SORCS2: variants seen among roughly 807,000 people sequenced by gnomAD.
SORCS2 encodes the protein sortilin related VPS10 domain containing receptor 2.
Under a neutral mutation model 141.6 loss-of-function variants are expected in SORCS2, and 100 were observed. The observed-to-expected ratio is 0.71, with a 90% CI of 0.60 to 0.83. The LOEUF (loss-of-function observed/expected upper bound fraction) is 0.83, where lower values mean the gene tolerates loss of function less well. SORCS2 is among the 40% of genes least tolerant of loss of function. The pLI is 0.00. For synonymous variants in SORCS2, 789 were observed against 676.9 expected, an observed-to-expected ratio of 1.17 and a Z score of -2.57; for missense variants, 1,646 against 1,560.2, an observed-to-expected ratio of 1.05 and a Z score of -0.93.
At chr4:7,457,440 AG>A (rs1728985886) in intron 2 of SORCS2, among the ~76,000 whole-genome samples, 1 of 151,490 alleles carries the variant, frequency 6.6e-6, no homozygotes, top group East Asian at 1.9e-4. Context: ...CTGCAGCCAG[AG>A]GGCCTGGCTC....
intron 2 of SORCS2, among the ~76,000 whole-genome samples, chr4:7,405,128 T>C (rs1007984601): frequency 2.6e-5 from 4 of 152,164 alleles, no homozygotes; most frequent in South Asian, 2.1e-4. Context: ...TTCCTAATTA[T>C]GTTTTTGTCA....
intron 2 of SORCS2, among the ~76,000 whole-genome samples, chr4:7,516,320 G>T (rs1388632345): frequency 6.6e-6 from 1 of 152,136 alleles, no homozygotes; most frequent in African/African-American, 2.4e-5. Flanking sequence ...TCTTGCTCTT[G>T]TTTTCACCTT....
At chr4:7,597,308 CTT>C (rs1717337464) in intron 3 of SORCS2, among the ~76,000 whole-genome samples, 1 of 146,176 alleles carries the variant, frequency 6.8e-6, no homozygotes, top group Non-Finnish European at 1.5e-5. Context: ...AGATGGGGCT[CTT>C]GCAATGGGGA....
chr4:7,434,701 T>C, intron 2 of SORCS2: 1 of 1,612,980 alleles, frequency 6.2e-7, no homozygotes, highest in South Asian at 1.1e-5. Flanking sequence ...GGGCAGAGAC[T>C]TCGCGGTGGG....
chr4:7,692,255 G>A (rs1724304821), intron 11 of SORCS2, among the ~76,000 whole-genome samples: 1 of 152,182 alleles, frequency 6.6e-6, no homozygotes, highest in African/African-American at 2.4e-5. Flanking sequence ...CCGCACTGCT[G>A]GAGGTGGCTG....
At chr4:7,317,130 G>T (rs909352349) in intron 1 of SORCS2, among the ~76,000 whole-genome samples, 1 of 152,198 alleles carries the variant, frequency 6.6e-6, no homozygotes, top group Non-Finnish European at 1.5e-5. Context: ...TCAAGAGCTT[G>T]CTCAGTCAAC....
chr4:7,517,416 T>C (rs1733058367), intron 2 of SORCS2, among the ~76,000 whole-genome samples: 1 of 152,238 alleles, frequency 6.6e-6, no homozygotes, highest in Non-Finnish European at 1.5e-5. Context: ...TAGAATTCCC[T>C]TTCAGATGGC....
In SORCS2 at chr4:7,299,261, T is replaced by C. The variant is rs1257714437; in HGVS notation, c.481-97027T>C. Among the ~76,000 whole-genome samples the C allele has an allele frequency of 2.6e-5, 4 of 152,336 alleles. No homozygotes were observed. In the South Asian group the frequency reaches 8.3e-4, roughly 32 times the overall value. On this transcript the variant is annotated intron_variant, in intron 1 of 26. Coordinates refer to ENST00000507866, the MANE Select transcript of SORCS2 (RefSeq NM_020777.3). The stretch of plus-strand genomic sequence containing the variant: ...GCTGTGAGCGGGTGTGGAATGCGTC[T>C]GAGTGGATGGCGGGCTGTGCCCTAA...
intron 1 of SORCS2, among the ~76,000 whole-genome samples, chr4:7,293,182 T>C (rs948738057): frequency 6.6e-6 from 1 of 151,882 alleles, no homozygotes; most frequent in African/African-American, 2.4e-5. Context: ...CGGGCACCTG[T>C]AGTCCCAGCT....
At chr4:7,343,887 T>G (rs28624865) in intron 1 of SORCS2, among the ~76,000 whole-genome samples, 72,809 of 152,080 alleles carry the variant, frequency 0.48, 18,305 homozygotes, top group African/African-American at 0.64. Flanking sequence ...AGGCTTCCAG[T>G]TTCTGTGAGT....
At chr4:7,418,162 C>G (rs28527304) in intron 2 of SORCS2, among the ~76,000 whole-genome samples, 10,440 of 152,200 alleles carry the variant, frequency 0.069, 524 homozygotes, top group African/African-American at 0.15. Flanking sequence ...GCGCTCAGCA[C>G]ATTTCAGGTG....
intron 1 of SORCS2, among the ~76,000 whole-genome samples, chr4:7,352,431 C>T (rs1376458758): frequency 6.6e-6 from 1 of 152,194 alleles, no homozygotes; most frequent in African/African-American, 2.4e-5. Flanking sequence ...TGGGACTCAC[C>T]CCAATCTCCT....
intron 1 of SORCS2, among the ~76,000 whole-genome samples, chr4:7,253,451 C>A (rs1713640559): frequency 6.6e-6 from 1 of 152,216 alleles, no homozygotes; most frequent in South Asian, 2.1e-4. Flanking sequence ...TCATTCCAGG[C>A]CCAGCGAAGG....
intron 3 of SORCS2, among the ~76,000 whole-genome samples, chr4:7,555,136 C>T (rs1714015501): frequency 6.6e-6 from 1 of 152,186 alleles, no homozygotes; most frequent in South Asian, 2.1e-4. Flanking sequence ...CCTCCAAAGA[C>T]CTCTTCAGGG....
In SORCS2 at chr4:7,602,313, C is replaced by T. The variant is rs577801927; in HGVS notation, c.649-36015C>T. On this transcript the variant is annotated intron_variant, in intron 3 of 26. Coordinates refer to ENST00000507866, the MANE Select transcript of SORCS2 (RefSeq NM_020777.3). ...GCCGGGCGGGGGCTGTCCCCCACCT[C>T]CTGGAGGGGGCGGCTGCTGGGCGGA... 5.3e-5 allele frequency among the ~76,000 whole-genome samples: 8 copies of T among 151,970 alleles called. No individual in the cohort carries two copies. In the South Asian group the frequency reaches 8.3e-4, roughly 16 times the overall value.
chr4:7,492,473 T>C (rs907054541), intron 2 of SORCS2, among the ~76,000 whole-genome samples: 1 of 152,368 alleles, frequency 6.6e-6, no homozygotes, highest in South Asian at 2.1e-4. Flanking sequence ...TCATGCATCA[T>C]CTGTTGGTGA....
rs139197738 is a variant in SORCS2 at position 7,232,077 on chromosome 4, G to A, written c.480+38951G>A. On this transcript the variant is annotated intron_variant, in intron 1 of 26. Coordinates refer to ENST00000507866, the MANE Select transcript of SORCS2 (RefSeq NM_020777.3). ...AGCGGAGCTGAGATGACGGAGTTGC[G>A]GATGGCTTCTGCGGAGGGTGGTGGG... 1.5e-3 allele frequency among the ~76,000 whole-genome samples: 227 copies of A among 152,358 alleles called. 5 individuals are homozygous for A. The highest frequency in any genetic ancestry group is 5.0e-3 in the African/African-American group (209 of 41,576).
At chr4:7,462,135 G>C (rs941653457) in intron 2 of SORCS2, among the ~76,000 whole-genome samples, 3 of 152,230 alleles carry the variant, frequency 2.0e-5, no homozygotes, top group African/African-American at 7.2e-5. Context: ...TGTGTGCTTC[G>C]CTCTTCCCTG....
intron 1 of SORCS2, among the ~76,000 whole-genome samples, chr4:7,308,007 G>A (rs1434298044): frequency 2.6e-5 from 4 of 152,098 alleles, no homozygotes; most frequent in Admixed American, 2.0e-4. Context: ...AGAGTGGGAG[G>A]TAGGCTCCTG....
Sources: gnomAD v4.1 joint callset for allele counts (sites outside exome capture counted in the v4.1 genomes callset) on GRCh38, gnomAD v4.1.1 for gene constraint, MANE v1.5 for transcripts, NCBI Gene and HGNC (gene_info 2026-07-23, HGNC 2026-07-21) for gene names.